The following CPNE4 variants were observed in gnomAD, a reference collection of about 807,000 sequenced individuals.
CPNE4 encodes copine-4.
In CPNE4, 25 loss-of-function variants were observed where a neutral mutation model predicts 67.9. The ratio of observed to expected loss-of-function variants is 0.37; its 90% CI spans 0.27 to 0.51. CPNE4 has a LOEUF of 0.51. CPNE4 is among the 20% of genes least tolerant of loss of function. CPNE4 has a pLI of 0.93. For missense variants in CPNE4, 464 were observed against 690.8 expected (o/e 0.67, Z 3.68); for synonymous variants, 242 against 244.9 (o/e 0.99, Z 0.11).
intron 1 of CPNE4, among the ~76,000 whole-genome samples, chr3:131,966,695 A>C (rs1016332883): frequency 2.6e-5 from 4 of 152,198 alleles, no homozygotes; most frequent in African/African-American, 9.6e-5. Flanking sequence ...CCCAGAATAG[A>C]CCAATAATGA....
At chr3:132,015,231 A>G (rs948675633) in intron 1 of CPNE4, among the ~76,000 whole-genome samples, 10 of 152,060 alleles carry the variant, frequency 6.6e-5, no homozygotes, top group African/African-American at 2.4e-4. Flanking sequence ...GGCTCAAATT[A>G]TTGCACATCT....
intron 2 of CPNE4, among the ~76,000 whole-genome samples, chr3:131,890,285 T>A (rs1335681164): frequency 6.6e-6 from 1 of 151,998 alleles, no homozygotes; most frequent in Non-Finnish European, 1.5e-5. Flanking sequence ...AGGACCTGAA[T>A]AGGCTTTTCT....
intron 1 of CPNE4, among the ~76,000 whole-genome samples, chr3:132,022,987 GTTAAAC>G (rs1250440059): frequency 6.6e-6 from 1 of 152,184 alleles, no homozygotes; most frequent in East Asian, 1.9e-4. Context: ...AATTTACTCA[GTTAAAC>G]TTAATGATGC....
At chr3:132,010,415 G>T (rs990535676) in intron 1 of CPNE4, among the ~76,000 whole-genome samples, 1 of 127,156 alleles carries the variant, frequency 7.9e-6, no homozygotes, top group Non-Finnish European at 1.6e-5. Context: ...ATTTTAGCTT[G>T]AGTTTGACAG....
At chr3:131,776,249 G>A (rs145724460) in intron 2 of CPNE4, among the ~76,000 whole-genome samples, 2 of 98,928 alleles carry the variant, frequency 2.0e-5, no homozygotes, top group East Asian at 5.1e-4. Context: ...TTATGGACCT[G>A]ATGTCAATAC....
intron 2 of CPNE4, among the ~76,000 whole-genome samples, chr3:131,751,916 A>G (rs2082639456): frequency 6.6e-6 from 1 of 151,858 alleles, no homozygotes; most frequent in South Asian, 2.1e-4. Flanking sequence ...GCTCCTTATT[A>G]CTGCTGGGCA....
At chr3:132,037,921 A>G (rs1178862227), upstream of CPNE4, 2 of 264,072 alleles carry the variant, frequency 7.6e-6, no homozygotes, top group East Asian at 1.4e-4. Context: ...GCCCTGCATC[A>G]AAAACCTTGG....
At chr3:131,616,450 C>T (rs1256967255) in intron 7 of CPNE4, among the ~76,000 whole-genome samples, 1 of 152,116 alleles carries the variant, frequency 6.6e-6, no homozygotes, top group Non-Finnish European at 1.5e-5. Context: ...GCCAGATTTC[C>T]TGTCTTTCCA....
chr3:131,858,025 CAT>C (rs1047070045), intron 2 of CPNE4, among the ~76,000 whole-genome samples: 3 of 151,798 alleles, frequency 2.0e-5, no homozygotes, highest in Non-Finnish European at 2.9e-5. Flanking sequence ...TTAGAATAAC[CAT>C]ATATATATTT....
At chr3:131,801,283 T>G (rs1202976523) in intron 2 of CPNE4, among the ~76,000 whole-genome samples, 1 of 149,084 alleles carries the variant, frequency 6.7e-6, no homozygotes, top group Non-Finnish European at 1.5e-5. Flanking sequence ...CGCTTTGTTT[T>G]TGCACTTTAT....
At chr3:132,031,278 T>C (rs921117108) in intron 1 of CPNE4, among the ~76,000 whole-genome samples, 1 of 152,238 alleles carries the variant, frequency 6.6e-6, no homozygotes, top group Admixed American at 6.5e-5. Context: ...TGGCTACTGT[T>C]GCCAAGGAAA....
chr3:131,781,275 G>A (rs866102350), intron 2 of CPNE4, among the ~76,000 whole-genome samples: 1 of 152,058 alleles, frequency 6.6e-6, no homozygotes, highest in African/African-American at 2.4e-5. Flanking sequence ...CTGGAACCAG[G>A]CAGTTTTCAG....
At chr3:131,869,502 G>A (rs1181386655) in intron 2 of CPNE4, among the ~76,000 whole-genome samples, 1 of 152,086 alleles carries the variant, frequency 6.6e-6, no homozygotes, top group Non-Finnish European at 1.5e-5. Flanking sequence ...CAGCAGAGAT[G>A]GCTGAAGCCC....
At chr3:131,691,997 C>A (rs1393440275) in intron 5 of CPNE4, among the ~76,000 whole-genome samples, 4 of 151,930 alleles carry the variant, frequency 2.6e-5, no homozygotes, top group African/African-American at 9.7e-5. Flanking sequence ...CAGTTCAGTT[C>A]AAAAAAGATG....
At chr3:131,995,052 G>A (rs1232133248) in intron 1 of CPNE4, among the ~76,000 whole-genome samples, 1 of 152,066 alleles carries the variant, frequency 6.6e-6, no homozygotes, top group Non-Finnish European at 1.5e-5. Flanking sequence ...AGGGGATCTT[G>A]CTATATTGCC....
At chr3:131,999,053 T>A (rs1405201468) in intron 1 of CPNE4, among the ~76,000 whole-genome samples, 1 of 151,730 alleles carries the variant, frequency 6.6e-6, no homozygotes, top group Non-Finnish European at 1.5e-5. Context: ...TTGAGGGGCA[T>A]GAAAGAGGCA....
chr3:131,730,510 C>A (rs930718972), intron 2 of CPNE4, among the ~76,000 whole-genome samples: 26 of 152,074 alleles, frequency 1.7e-4, no homozygotes, highest in Non-Finnish European at 3.8e-4. Context: ...AATTCATATA[C>A]CAGTATCTTA....
At chr3:132,002,549 TTGTC>T (rs574687408) in intron 1 of CPNE4, among the ~76,000 whole-genome samples, 10 of 152,152 alleles carry the variant, frequency 6.6e-5, no homozygotes, top group Non-Finnish European at 1.0e-4. Context: ...TATTAAGCAT[TTGTC>T]TGCCTGAAGC....
intron 2 of CPNE4, among the ~76,000 whole-genome samples, chr3:131,769,047 G>A (rs751390949): frequency 2.0e-5 from 3 of 152,154 alleles, no homozygotes; most frequent in Non-Finnish European, 2.9e-5. Flanking sequence ...CCTCATTCCA[G>A]CTTGGGTTCA....
Sources: gnomAD v4.1 joint callset for allele counts (sites outside exome capture counted in the v4.1 genomes callset) on GRCh38, gnomAD v4.1.1 for gene constraint, MANE v1.5 for transcripts, NCBI Gene and HGNC (gene_info 2026-07-23, HGNC 2026-07-21) for gene names.